The following FHIT variants were observed in gnomAD, a reference collection of about 807,000 sequenced individuals.
The protein encoded by FHIT is fragile histidine triad diadenosine triphosphatase, also known as bis(5'-adenosyl)-triphosphatase.
FHIT carries 19 observed loss-of-function variants against 17.9 expected under a neutral mutation model. The observed-to-expected ratio is 1.06, with a 90% CI of 0.74 to 1.56. The LOEUF (loss-of-function observed/expected upper bound fraction) is 1.56, where lower values mean the gene tolerates loss of function less well. Ranked by LOEUF, FHIT falls within the 40% of genes most tolerant of loss-of-function variation. The pLI is 0.00. For synonymous variants in FHIT, 81 were observed against 69.7 expected, an observed-to-expected ratio of 1.16 and a Z score of -0.81; for missense variants, 248 against 189.2, an observed-to-expected ratio of 1.31 and a Z score of -1.82.
chr3:60,382,355 C>T lies in FHIT; in HGVS notation c.103+154505G>A, dbSNP rs150010434. Among the ~76,000 whole-genome samples the T allele has an allele frequency of 9.1e-4, 139 of 152,314 alleles. 1 individual carries two copies. The highest frequency in any genetic ancestry group is 3.2e-3 in the African/African-American group (131 of 41,558). On this transcript the variant is annotated intron_variant, in intron 5 of 9. Transcript: ENST00000492590. ...AGAGTGCCACATCTCATAAATTACA[C>T]GTGTCTTTCCACGTGCCATTTCAAA...
intron 3 of FHIT, among the ~76,000 whole-genome samples, chr3:61,013,080 A>C (rs574818691): frequency 6.6e-6 from 1 of 152,306 alleles, no homozygotes; most frequent in South Asian, 2.1e-4. Context: ...AATAAGCCAG[A>C]AATTATATTC....
chr3:60,252,038 C>T (rs1354405889), intron 5 of FHIT, among the ~76,000 whole-genome samples: 1 of 152,092 alleles, frequency 6.6e-6, no homozygotes, highest in Non-Finnish European at 1.5e-5. Context: ...GTCATGAGTA[C>T]CGAATGTGTG....
At chr3:60,474,274 A>G (rs763111456) in intron 5 of FHIT, among the ~76,000 whole-genome samples, 1 of 152,232 alleles carries the variant, frequency 6.6e-6, no homozygotes, top group Non-Finnish European at 1.5e-5. Flanking sequence ...TCCATGGGAA[A>G]AGGAACATGT....
intron 5 of FHIT, among the ~76,000 whole-genome samples, chr3:60,449,099 G>A (rs1163239856): frequency 6.6e-6 from 1 of 152,166 alleles, no homozygotes; most frequent in Non-Finnish European, 1.5e-5. Flanking sequence ...TTACTTCCCA[G>A]AATGCGGCTG....
chr3:60,524,526 G>T (rs747921483), intron 5 of FHIT, among the ~76,000 whole-genome samples: 1 of 152,126 alleles, frequency 6.6e-6, no homozygotes, highest in South Asian at 2.1e-4. Flanking sequence ...GAGCGAATGT[G>T]GGGAGCTTTG....
chr3:60,838,826 A>G (rs1316556670), intron 3 of FHIT, among the ~76,000 whole-genome samples: 5 of 152,204 alleles, frequency 3.3e-5, no homozygotes, highest in African/African-American at 1.2e-4. Context: ...AAATGCAGGT[A>G]TGTACTTGTC....
At chr3:59,871,646 T>A (rs545145441) in intron 8 of FHIT, among the ~76,000 whole-genome samples, 1 of 152,320 alleles carries the variant, frequency 6.6e-6, no homozygotes, top group South Asian at 2.1e-4. Flanking sequence ...GGAAGCTACT[T>A]GGAGGCTGTG....
intron 4 of FHIT, among the ~76,000 whole-genome samples, chr3:60,548,127 G>T (rs896753573): frequency 6.5e-5 from 4 of 61,328 alleles, no homozygotes; most frequent in Non-Finnish European, 1.2e-4. Flanking sequence ...AAAAAAAGGA[G>T]CACGAGAGAG....
chr3:60,152,968 T>A (rs776786490), intron 5 of FHIT, among the ~76,000 whole-genome samples: 6 of 152,152 alleles, frequency 3.9e-5, no homozygotes, highest in Non-Finnish European at 8.8e-5. Flanking sequence ...AGTGAAATCC[T>A]GGACATGCAG....
intron 2 of FHIT, among the ~76,000 whole-genome samples, chr3:61,062,049 A>T (rs1345792670): frequency 6.6e-6 from 1 of 152,160 alleles, no homozygotes; most frequent in Non-Finnish European, 1.5e-5. Context: ...ATAGACATAT[A>T]ATACTATATA....
chr3:61,138,834 T>A (rs2106988991), intron 2 of FHIT, among the ~76,000 whole-genome samples: 1 of 152,160 alleles, frequency 6.6e-6, no homozygotes, highest in South Asian at 2.1e-4. Context: ...CAGCATCCAA[T>A]AACCAAAGGA....
chr3:61,192,718 T>A (rs2038751438), intron 2 of FHIT, among the ~76,000 whole-genome samples: 1 of 152,160 alleles, frequency 6.6e-6, no homozygotes, highest in Admixed American at 6.5e-5. Context: ...CAGAGATTCA[T>A]AATTCCACCC....
At chr3:60,126,104 T>A (rs1056846408) in intron 5 of FHIT, among the ~76,000 whole-genome samples, 10 of 151,998 alleles carry the variant, frequency 6.6e-5, no homozygotes, top group Admixed American at 3.3e-4. Flanking sequence ...AAGAACTTGG[T>A]CTGATCTAGC....
chr3:60,346,872 T>G (rs1710806680), intron 5 of FHIT, among the ~76,000 whole-genome samples: 1 of 152,208 alleles, frequency 6.6e-6, no homozygotes, highest in African/African-American at 2.4e-5. Context: ...GGATGTTGCT[T>G]TCTTAGAAAT....
intron 4 of FHIT, among the ~76,000 whole-genome samples, chr3:60,658,565 C>T (rs1315749589): frequency 6.6e-6 from 1 of 152,116 alleles, no homozygotes; most frequent in Admixed American, 6.5e-5. Flanking sequence ...TGCTCCTCTA[C>T]TTCTCTGTCC....
chr3:60,901,550 A>G (rs1553763197), intron 3 of FHIT, among the ~76,000 whole-genome samples: 1 of 152,228 alleles, frequency 6.6e-6, no homozygotes, highest in Non-Finnish European at 1.5e-5. Flanking sequence ...TTGACGGCAA[A>G]AGGTAAAAAG....
intron 4 of FHIT, chr3:60,690,647 A>C: frequency 1.9e-6 from 1 of 517,516 alleles, no homozygotes; most frequent in Non-Finnish European, 3.9e-6. Context: ...TTGTCTGCAA[A>C]CAGCTCGAAG....
At chr3:60,780,051 G>C (rs1700334123) in intron 4 of FHIT, among the ~76,000 whole-genome samples, 1 of 152,164 alleles carries the variant, frequency 6.6e-6, no homozygotes, top group South Asian at 2.1e-4. Context: ...TGCAAGGATA[G>C]AAGATGGAAA....
At chr3:60,298,481 A>G (rs1052545164) in intron 5 of FHIT, among the ~76,000 whole-genome samples, 1 of 152,214 alleles carries the variant, frequency 6.6e-6, no homozygotes, top group Admixed American at 6.5e-5. Flanking sequence ...ATATCAAAAT[A>G]TCACAAAAGT....
Sources: gnomAD v4.1 joint callset for allele counts (sites outside exome capture counted in the v4.1 genomes callset) on GRCh38, gnomAD v4.1.1 for gene constraint, MANE v1.5 for transcripts, NCBI Gene and HGNC (gene_info 2026-07-23, HGNC 2026-07-21) for gene names.